Variants in BAZ1A observed in about 807,000 individuals in gnomAD.
The protein encoded by BAZ1A is bromodomain adjacent to zinc finger domain protein 1A.
BAZ1A carries 50 observed loss-of-function variants against 185.2 expected under a neutral mutation model. The observed-to-expected ratio is 0.27, with a 90% CI of 0.22 to 0.34. The LOEUF is 0.34. Ranked by LOEUF, BAZ1A falls within the 10% of genes least tolerant of loss-of-function variation. The pLI, the probability that BAZ1A is intolerant of heterozygous loss-of-function variation, is 1.00. For synonymous variants in BAZ1A, 571 were observed against 615.6 expected, an observed-to-expected ratio of 0.93 and a Z score of 1.07; for missense variants, 1,356 against 1,839.9, an observed-to-expected ratio of 0.74 and a Z score of 4.81.
chr14:34,826,226 C>T (rs578172519), intron 3 of BAZ1A, 70 bp from the exon 4 acceptor site: 3 of 1,507,304 alleles, frequency 2.0e-6, no homozygotes, highest in African/African-American at 2.8e-5. Flanking sequence ...TCAGAGCAAT[C>T]GAATTGTTTT....
intron 17 of BAZ1A, among the ~76,000 whole-genome samples, chr14:34,779,803 T>C (rs1004272963): frequency 2.0e-5 from 3 of 152,210 alleles, no homozygotes; most frequent in Non-Finnish European, 2.9e-5. Flanking sequence ...AGGCATCCAA[T>C]GCATGCTGAA....
chr14:34,822,847 G>T (rs1269108939), intron 4 of BAZ1A, among the ~76,000 whole-genome samples: 1 of 152,010 alleles, frequency 6.6e-6, no homozygotes, highest in African/African-American at 2.4e-5. Context: ...CCTTATAACA[G>T]GCAAAATATT....
At chr14:34,863,135 C>A (rs2138822708) in intron 2 of BAZ1A, among the ~76,000 whole-genome samples, 1 of 143,456 alleles carries the variant, frequency 7.0e-6, no homozygotes, top group African/African-American at 2.5e-5. Flanking sequence ...ATTACAGGTG[C>A]CCGCCACCAC....
rs533683279 is a variant in BAZ1A, at chr14:34,858,660, G to A, written c.392+3384C>T. ...TCAAGAATGTTTTAAAAGTTGGGGC[G>A]AGGGTGGGGAGGCAAAAAATAAATA... On this transcript the variant is annotated intron_variant, in intron 3 of 26. Coordinates refer to ENST00000360310, the MANE Select transcript of BAZ1A (RefSeq NM_013448.3). 2.4e-4 allele frequency among the ~76,000 whole-genome samples: 36 copies of A among 152,148 alleles called. 1 individual carries two copies. Among genetic ancestry groups the A allele is most frequent in the African/African-American group, 7.2e-4 (30 of 41,512 alleles).
chr14:34,831,403 C>A (rs76188077), intron 3 of BAZ1A, among the ~76,000 whole-genome samples: 3,219 of 152,252 alleles, frequency 0.021, 128 homozygotes, highest in African/African-American at 0.074. Flanking sequence ...AGATAAAATT[C>A]TGGTGCTGTC....
At chr14:34,837,010 C>T (rs902283294) in intron 3 of BAZ1A, among the ~76,000 whole-genome samples, 10 of 150,818 alleles carry the variant, frequency 6.6e-5, no homozygotes, top group Admixed American at 1.3e-4. Flanking sequence ...TGGGTTCAAG[C>T]AATCCTTCCA....
chr14:34,811,152 T>G (rs2041924732), intron 4 of BAZ1A, 116 bp from the exon 5 acceptor site: 1 of 750,730 alleles, frequency 1.3e-6, no homozygotes, highest in East Asian at 3.0e-5. Flanking sequence ...CAAAATTTTT[T>G]TTTGTTTTTG....
intron 2 of BAZ1A, among the ~76,000 whole-genome samples, chr14:34,869,787 C>T (rs2042922357): frequency 6.6e-6 from 1 of 152,138 alleles, no homozygotes; most frequent in South Asian, 2.1e-4. Context: ...ATTTCATGAC[C>T]TCTTGAATCT....
Position 34,762,151 on chromosome 14 carries a change from TGAGA to T in BAZ1A, c.3845_3848del (p.Phe1282Ter). The T allele has an allele frequency of 6.2e-7, 1 of 1,614,222 alleles. No individual in the cohort carries two copies. The highest frequency in any genetic ancestry group is 8.5e-7 in the Non-Finnish European group (1 of 1,180,016). On this transcript the variant is annotated frameshift_variant, in exon 24 of 27. Coordinates refer to ENST00000360310, the MANE Select transcript of BAZ1A (RefSeq NM_013448.3). LOFTEE classifies it high-confidence loss of function. The stretch of plus-strand genomic sequence containing the variant: ...CAGGTTCTTGTTGTTGGCCACGACT[TGAGA>T]AAGAAGAGCTAAGTTTCCCTCTTGT...
chr14:34,813,162 C>G lies in BAZ1A; in HGVS notation c.537-2126G>C, dbSNP rs1235824304. 2.0e-5 allele frequency among the ~76,000 whole-genome samples: 3 copies of G among 152,186 alleles called. No homozygotes were observed. In the South Asian group the frequency reaches 6.2e-4, roughly 32 times the overall value. ...CTTTGTGAGGCCAAGGCTTGTGGAT[C>G]ACTTGAGCTGAGGAGTTTGAGACCA... On this transcript the variant is annotated intron_variant, in intron 4 of 26. Transcript: ENST00000360310.
intron 3 of BAZ1A, among the ~76,000 whole-genome samples, chr14:34,840,337 C>T (rs767044104): frequency 5.3e-5 from 8 of 152,162 alleles, no homozygotes; most frequent in Admixed American, 2.0e-4. Flanking sequence ...AGCATTATAC[C>T]GGTGTTTTCT....
intron 3 of BAZ1A, among the ~76,000 whole-genome samples, chr14:34,838,714 A>G (rs968517509): frequency 9.9e-5 from 15 of 151,986 alleles, no homozygotes; most frequent in Admixed American, 9.2e-4. Flanking sequence ...TAGTAGAGAC[A>G]GGGTTTCACC....
chr14:34,781,396 A>G (rs1397946092), intron 16 of BAZ1A, among the ~76,000 whole-genome samples: 1 of 152,186 alleles, frequency 6.6e-6, no homozygotes, highest in Non-Finnish European at 1.5e-5. Context: ...CACCATATCC[A>G]TTAGTAGTCA....
chr14:34,811,365 T>C (rs959741094), intron 4 of BAZ1A, among the ~76,000 whole-genome samples: 1 of 152,224 alleles, frequency 6.6e-6, no homozygotes, highest in Non-Finnish European at 1.5e-5. Flanking sequence ...GGTCTCGAAC[T>C]ACTGACCTCA....
At chr14:34,858,793 C>T (rs1346118570) in intron 3 of BAZ1A, among the ~76,000 whole-genome samples, 2 of 151,766 alleles carry the variant, frequency 1.3e-5, no homozygotes, top group African/African-American at 4.8e-5. Flanking sequence ...CAAGAAAATG[C>T]TAAATTTCAG....
chr14:34,786,316 C>G (rs1260632015), intron 12 of BAZ1A, 95 bp from the exon 13 acceptor site: 5 of 1,160,802 alleles, frequency 4.3e-6, no homozygotes, highest in Middle Eastern at 2.2e-4. Context: ...CAGCAAACGC[C>G]TTAACATTCG....
intron 4 of BAZ1A, among the ~76,000 whole-genome samples, chr14:34,825,782 A>G (rs1284003541): frequency 6.6e-6 from 1 of 152,094 alleles, no homozygotes; most frequent in Non-Finnish European, 1.5e-5. Context: ...TACCAAAGAT[A>G]CAAAAATTAG....
rs746400699 is a variant in BAZ1A at position 34,783,775 on chromosome 14, C to T, written c.1984G>A (p.Glu662Lys). Reference protein sequence around the residue: ...KAEQHRKEREEAAARIRKRKE... With the variant: ...KAEQHRKEREKAAARIRKRKE... ...ATTATCTCTTACCTGGCAGCTGCTTCTTCCCTCTCTTTTCGATGTTGTTCT... is the reference window on the plus strand; with the variant it reads ...ATTATCTCTTACCTGGCAGCTGCTTTTTCCCTCTCTTTTCGATGTTGTTCT... The change falls in exon 15 of 27, where the codon GAA becomes AAA. Residue 662 changes from glutamate to lysine, a missense_variant. Transcript: ENST00000360310. 2 of 1,605,814 alleles carry T rather than the reference C, an allele frequency of 1.2e-6. No individual in the cohort carries two copies. The highest frequency in any genetic ancestry group is 2.2e-5 in the South Asian group (2 of 88,966).
At chr14:34,872,913 T>TAAAAAAAAAAA (rs35955993) in intron 2 of BAZ1A, among the ~76,000 whole-genome samples, 4 of 76,186 alleles carry the variant, frequency 5.3e-5, no homozygotes, top group East Asian at 7.1e-4. Context: ...TTTAAAATCC[T>TAAAAAAAAAAA]AAAAAAAAAA....
Sources: gnomAD v4.1 joint callset for allele counts (sites outside exome capture counted in the v4.1 genomes callset) on GRCh38, gnomAD v4.1.1 for gene constraint, MANE v1.5 for transcripts, NCBI Gene and HGNC (gene_info 2026-07-23, HGNC 2026-07-21) for gene names.